DIP2C: variants seen among roughly 807,000 people sequenced by gnomAD.
DIP2C encodes the protein DIP2 acetate--CoA ligase C (putative), also known as disco-interacting protein 2 homolog C.
DIP2C carries 33 observed loss-of-function variants against 192.4 expected under a neutral mutation model. The ratio of observed to expected loss-of-function variants is 0.17; its 90% CI spans 0.13 to 0.23. The LOEUF (loss-of-function observed/expected upper bound fraction) is 0.23. Among genes scored for constraint, DIP2C ranks in the 10% least tolerant of loss-of-function variants. The pLI is 1.00. For missense variants in DIP2C, 1,537 were observed against 2,110.1 expected, an observed-to-expected ratio of 0.73 and a Z score of 5.32; for synonymous variants, 979 against 864.1, an observed-to-expected ratio of 1.13 and a Z score of -2.33.
chr10:590,151 C>G (rs781132348), intron 1 of DIP2C, among the ~76,000 whole-genome samples: 1 of 152,198 alleles, frequency 6.6e-6, no homozygotes, highest in South Asian at 2.1e-4. Context: ...CTGTGAAAAC[C>G]GGAGTCACGG....
intron 29 of DIP2C, among the ~76,000 whole-genome samples, chr10:338,335 C>T (rs1589528781): frequency 6.6e-6 from 1 of 152,048 alleles, no homozygotes; most frequent in Admixed American, 6.5e-5. Flanking sequence ...CCTGGCCTCA[C>T]GTTCAGGTGC....
Position 618,429 on chromosome 10 carries a change from C to G in DIP2C, c.85+71065G>C, listed in dbSNP as rs536304996. Among the ~76,000 whole-genome samples, 4 of 152,352 alleles carry G rather than the reference C, an allele frequency of 2.6e-5. No homozygotes were observed. In the East Asian group the frequency reaches 7.7e-4, roughly 29 times the overall value. ...GGACGCCCGCAGGCCCCTGGAGGAG[C>G]AAGCTGACCTGCCCACATTTCTCAA... On this transcript the variant is annotated intron_variant, in intron 1 of 36. Transcript: ENST00000280886.
intron 1 of DIP2C, among the ~76,000 whole-genome samples, chr10:605,087 C>A (rs567965457): frequency 2.6e-5 from 4 of 152,218 alleles, no homozygotes; most frequent in Admixed American, 1.3e-4. Context: ...CAGCATCATG[C>A]GTGCCTGAGG....
At chr10:387,577 C>T (rs1023201113) in intron 14 of DIP2C, among the ~76,000 whole-genome samples, 168 bp downstream of exon 14, 8 of 132,114 alleles carry the variant, frequency 6.1e-5, no homozygotes, top group African/African-American at 2.3e-4. Flanking sequence ...GGGGGCGACT[C>T]CTGTGTGGAC....
chr10:451,663 C>T (rs934608794), intron 3 of DIP2C, among the ~76,000 whole-genome samples: 1 of 152,266 alleles, frequency 6.6e-6, no homozygotes, highest in African/African-American at 2.4e-5. Context: ...AAGATGACAA[C>T]GTATTGTTTT....
chr10:501,129 C>T (rs1182583264), intron 1 of DIP2C, among the ~76,000 whole-genome samples: 2 of 152,178 alleles, frequency 1.3e-5, no homozygotes, highest in Admixed American at 1.3e-4. Flanking sequence ...TGCACTAATT[C>T]ACATTGTGTC....
intron 18 of DIP2C, among the ~76,000 whole-genome samples, chr10:367,357 C>T (rs1232891007): frequency 6.7e-6 from 1 of 149,612 alleles, no homozygotes; most frequent in Non-Finnish European, 1.5e-5. Flanking sequence ...GCAGAGCCTG[C>T]GGTGAACCGA....
At position 621,386 on chromosome 10, in the gene DIP2C, C is replaced by T. The variant is rs189395797; in HGVS notation, c.85+68108G>A. Among the ~76,000 whole-genome samples, 122 of 151,996 alleles carry T rather than the reference C, an allele frequency of 8.0e-4. 1 individual carries two copies. Among genetic ancestry groups the T allele is most frequent in the African/African-American group, 2.8e-3 (117 of 41,460 alleles). ...CTGTGCCAATATGAGCACACACCACCCCCGGGGTGCACACACTATGTGCTC... is the reference window on the plus strand; with the variant it reads ...CTGTGCCAATATGAGCACACACCACTCCCGGGGTGCACACACTATGTGCTC... On this transcript the variant is annotated intron_variant, in intron 1 of 36. Transcript: ENST00000280886.
chr10:336,007 T>C (rs536951548), intron 29 of DIP2C, among the ~76,000 whole-genome samples: 5 of 152,034 alleles, frequency 3.3e-5, no homozygotes, highest in Non-Finnish European at 7.4e-5. Flanking sequence ...CAAGTGATCC[T>C]CCACCTCAGC....
At chr10:594,252 C>T (rs761545628) in intron 1 of DIP2C, among the ~76,000 whole-genome samples, 4 of 152,174 alleles carry the variant, frequency 2.6e-5, no homozygotes, top group Non-Finnish European at 5.9e-5. Context: ...TTCCTATCTG[C>T]ACAGCTTCTA....
rs11251499 is a variant in DIP2C at position 288,553 on chromosome 10, C to T, written c.3987-132G>A. The T allele has an allele frequency of 2.7e-4, 253 of 925,286 alleles. 2 individuals are homozygous for T. In the East Asian group the frequency reaches 3.3e-3, roughly 12 times the overall value. The allele number at this position is 925,286 out of a possible 1,614,324, so 57.3% of individuals were successfully genotyped here. On this transcript the variant is annotated intron_variant, in intron 32 of 36. Transcript: ENST00000280886. Reference sequence around the variant, plus strand: ...TCTGAGCATCATCCAACAGCAAGGACGAAGCTGCAGAAAGAGCAGCCCAGC... The same window carrying T: ...TCTGAGCATCATCCAACAGCAAGGATGAAGCTGCAGAAAGAGCAGCCCAGC...
At chr10:517,068 G>C (rs533842167) in intron 1 of DIP2C, among the ~76,000 whole-genome samples, 2 of 151,776 alleles carry the variant, frequency 1.3e-5, no homozygotes, top group South Asian at 2.1e-4. Flanking sequence ...AGGTCTAGTG[G>C]CACAGTCAAA....
intron 3 of DIP2C, among the ~76,000 whole-genome samples, chr10:456,686 A>AC (rs1489521266): frequency 2.6e-5 from 4 of 152,174 alleles, no homozygotes; most frequent in Admixed American, 6.5e-5. Context: ...GTCCACGGCC[A>AC]CCGTTTGTCT....
At chr10:578,058 T>A (rs1014262734) in intron 1 of DIP2C, among the ~76,000 whole-genome samples, 3 of 152,236 alleles carry the variant, frequency 2.0e-5, no homozygotes, top group African/African-American at 7.2e-5. Flanking sequence ...AGATTTGAGA[T>A]TATTCTCAAA....
intron 10 of DIP2C, among the ~76,000 whole-genome samples, chr10:398,903 C>T (rs1018609235): frequency 6.6e-6 from 1 of 152,220 alleles, no homozygotes; most frequent in Non-Finnish European, 1.5e-5. Flanking sequence ...TGCTGATCCA[C>T]GTTTGACCCC....
chr10:296,660 T>A (rs1452188339), intron 32 of DIP2C, among the ~76,000 whole-genome samples: 1 of 151,962 alleles, frequency 6.6e-6, no homozygotes, highest in Non-Finnish European at 1.5e-5. Flanking sequence ...AATGATAGAC[T>A]GGATTAAGAA....
At chr10:674,630 A>T (rs1031606218) in intron 1 of DIP2C, among the ~76,000 whole-genome samples, 2 of 151,810 alleles carry the variant, frequency 1.3e-5, no homozygotes, top group African/African-American at 4.8e-5. Flanking sequence ...TTAACCGAGC[A>T]TGGTGGCACA....
At chr10:663,696 C>T (rs1159960947) in intron 1 of DIP2C, 2 of 152,268 alleles carry the variant, frequency 1.3e-5, no homozygotes, top group Non-Finnish European at 2.9e-5. Flanking sequence ...CGAAGGTCCA[C>T]ATCCAGGTAT....
At position 381,129 on chromosome 10, in the gene DIP2C, A is replaced by C. The variant is rs954570483; in HGVS notation, c.1991+1518T>G. Among the ~76,000 whole-genome samples the C allele has an allele frequency of 6.6e-5, 10 of 152,344 alleles. No individual in the cohort carries two copies. In the East Asian group the frequency reaches 1.9e-3, roughly 29 times the overall value. On this transcript the variant is annotated intron_variant, in intron 17 of 36. Coordinates refer to ENST00000280886, the MANE Select transcript of DIP2C (RefSeq NM_014974.3). Reference sequence around the variant, plus strand: ...GGACCAGCATTGGCTTCTCTCCTAAAGATTTTCACCACTGAGATAGAGTTG... The same window carrying C: ...GGACCAGCATTGGCTTCTCTCCTAACGATTTTCACCACTGAGATAGAGTTG...
Sources: allele counts gnomAD v4.1 joint callset (sites outside exome capture counted in the v4.1 genomes callset), GRCh38; gene constraint gnomAD v4.1.1; transcripts MANE v1.5; gene names NCBI Gene and HGNC (gene_info 2026-07-23, HGNC 2026-07-21).